The following MICAL2 variants were observed in gnomAD, a reference collection of about 807,000 sequenced individuals.
MICAL2 encodes [F-actin]-monooxygenase MICAL2.
In MICAL2, 77 loss-of-function variants were observed where a neutral mutation model predicts 127.3. That is an observed-to-expected ratio of 0.60 (90% CI 0.50 to 0.73). The LOEUF (loss-of-function observed/expected upper bound fraction) is 0.73, where lower values mean the gene tolerates loss of function less well. Ranked by LOEUF, MICAL2 falls within the 30% of genes least tolerant of loss-of-function variation. The pLI is 0.00. For synonymous variants in MICAL2, 570 were observed against 551.1 expected (o/e 1.03, Z -0.48); for missense variants, 1,351 against 1,434.4 (o/e 0.94, Z 0.94).
chr11:12,271,030 C>T lies in MICAL2; in HGVS notation c.3335-4956C>T, dbSNP rs114681297. Among the ~76,000 whole-genome samples, 973 of 152,296 alleles carry T rather than the reference C, an allele frequency of 6.4e-3. 13 individuals are homozygous for T. Among genetic ancestry groups the T allele is most frequent in the African/African-American group, 0.02 (842 of 41,562 alleles). On this transcript the variant is annotated intron_variant, in intron 24 of 34. Coordinates refer to the MICAL2 transcript ENST00000646065. Reference sequence around the variant, plus strand: ...GTTGGGAGCCATGTGTGAGGACAGACGTTTCCCCAGACCCTGCCTGGCTCT... The same window carrying T: ...GTTGGGAGCCATGTGTGAGGACAGATGTTTCCCCAGACCCTGCCTGGCTCT...
downstream of MICAL2, among the ~76,000 whole-genome samples, chr11:12,264,396 G>C (rs1233123945): frequency 6.6e-6 from 1 of 152,166 alleles, no homozygotes; most frequent in Non-Finnish European, 1.5e-5. Context: ...CCCTGCCCTA[G>C]CACCACCCGA....
intron 1 of MICAL2, among the ~76,000 whole-genome samples, chr11:12,129,530 C>G (rs1457798008): frequency 1.3e-5 from 2 of 151,942 alleles, no homozygotes; most frequent in African/African-American, 2.4e-5. Context: ...TCCCCTAAAG[C>G]CATTCATCAT....
Position 12,239,585 on chromosome 11 carries a change from G to C in MICAL2, c.2214G>C (p.Gln738His), listed in dbSNP as rs1859581354. The change falls in exon 17 of 28, where the codon CAG becomes CAC. Residue 738 changes from glutamine to histidine, a missense_variant and splice_region_variant. By Grantham distance (24) the Gln-to-His change is conservative. Coordinates refer to ENST00000683283, the MANE Select transcript of MICAL2 (RefSeq NM_001282663.2). The part of the protein sequence containing the change: ...ESTRNPSLMK[Q>H]ERRVSGIGKP... ...CTCGGAACCCCTCACTCATGAAGCA[G>C]GTGAGTCATGTCAAATACTCACTGG... 1 of 1,613,726 alleles carries C rather than the reference G, an allele frequency of 6.2e-7. No individual in the cohort carries two copies. Among genetic ancestry groups the C allele is most frequent in the Non-Finnish European group, 8.5e-7 (1 of 1,179,866 alleles).
At chr11:12,222,430 G>C (rs949813484) in intron 10 of MICAL2, among the ~76,000 whole-genome samples, 187 bp from the exon 11 acceptor site, 1 of 152,128 alleles carries the variant, frequency 6.6e-6, no homozygotes, top group Non-Finnish European at 1.5e-5. Context: ...CTTTCCTCTC[G>C]GCCCCTTTGA....
At chr11:12,123,989 G>T (rs1478238136) in intron 1 of MICAL2, among the ~76,000 whole-genome samples, 1 of 152,158 alleles carries the variant, frequency 6.6e-6, no homozygotes, top group Non-Finnish European at 1.5e-5. Context: ...TATGAGCTTT[G>T]CTGGCAGCAG....
intron 29 of MICAL2, among the ~76,000 whole-genome samples, chr11:12,311,094 C>T (rs1864168576): frequency 6.6e-6 from 1 of 152,066 alleles, no homozygotes; most frequent in South Asian, 2.1e-4. Flanking sequence ...TGGAGTCTTT[C>T]AGTTTTTCTG....
At chr11:12,223,971 C>A (rs996437226) in intron 12 of MICAL2, among the ~76,000 whole-genome samples, 1 of 152,090 alleles carries the variant, frequency 6.6e-6, no homozygotes, top group African/African-American at 2.4e-5. Context: ...GCTCAGGATG[C>A]TCTCCTGCTT....
chr11:12,214,164 G>A (rs1241053973), intron 7 of MICAL2, among the ~76,000 whole-genome samples: 1 of 152,154 alleles, frequency 6.6e-6, no homozygotes, highest in East Asian at 1.9e-4. Flanking sequence ...AAAACAGGGT[G>A]AGGGGAAAGG....
intron 30 of MICAL2, among the ~76,000 whole-genome samples, chr11:12,322,773 A>G (rs945152002): frequency 6.6e-6 from 1 of 152,178 alleles, no homozygotes; most frequent in African/African-American, 2.4e-5. Context: ...ATTTTAGTAA[A>G]ATGTGATAAT....
At chr11:12,238,844 A>G (rs1859473189) in intron 16 of MICAL2, among the ~76,000 whole-genome samples, 1 of 152,198 alleles carries the variant, frequency 6.6e-6, no homozygotes, top group South Asian at 2.1e-4. Flanking sequence ...ACTTTTGTGT[A>G]AATCTAAAAT....
At chr11:12,242,905 G>A (rs1288956411) in intron 20 of MICAL2, 133 bp downstream of exon 20, 4 of 590,582 alleles carry the variant, frequency 6.8e-6, no homozygotes, top group Admixed American at 4.0e-5. Context: ...TATTTTTCAA[G>A]CCACCAAATA....
intron 3 of MICAL2, among the ~76,000 whole-genome samples, chr11:12,200,340 C>T (rs1046911045): frequency 2.0e-5 from 3 of 152,318 alleles, no homozygotes; most frequent in Admixed American, 2.0e-4. Flanking sequence ...GAAAGAGCTC[C>T]TTCGGGTCGA....
At chr11:12,303,145 G>C (rs1279114046) in intron 29 of MICAL2, among the ~76,000 whole-genome samples, 1 of 152,150 alleles carries the variant, frequency 6.6e-6, no homozygotes, top group Non-Finnish European at 1.5e-5. Context: ...ACCTCCACCA[G>C]GTCCCACCCT....
At chr11:12,144,187 T>C (rs939197444) in intron 2 of MICAL2, among the ~76,000 whole-genome samples, 1 of 152,216 alleles carries the variant, frequency 6.6e-6, no homozygotes, top group African/African-American at 2.4e-5. Context: ...GTTTTGTATC[T>C]TTATGAGAAA....
chr11:12,273,905 AGTG>A (rs1863697642), upstream of MICAL2, among the ~76,000 whole-genome samples: 1 of 152,036 alleles, frequency 6.6e-6, no homozygotes, highest in South Asian at 2.1e-4. Context: ...GTAGTTTGGG[AGTG>A]GTGGAGGCAC....
chr11:12,131,850 G>A (rs545817762), intron 1 of MICAL2, among the ~76,000 whole-genome samples: 1 of 152,324 alleles, frequency 6.6e-6, no homozygotes, highest in Admixed American at 6.5e-5. Context: ...TACTCAGAGG[G>A]AAGTTGTAAG....
chr11:12,293,477 G>C (rs1035315677), downstream of MICAL2: 1 of 1,467,354 alleles, frequency 6.8e-7, no homozygotes, highest in East Asian at 2.3e-5. Context: ...ACAGGGAGGG[G>C]GTTGTAGATT....
rs190587459 is a variant in MICAL2, at chr11:12,188,491, G to A, written c.265-15759G>A. Among the ~76,000 whole-genome samples the A allele has an allele frequency of 5.9e-3, 904 of 152,250 alleles. 11 individuals carry two copies. Among genetic ancestry groups the A allele is most frequent in the African/African-American group, 0.021 (882 of 41,540 alleles). ...CACCTAGTTGGAAGAGGCCGGGGAA[G>A]CTGCTGAACATCCTACAATGCACAG... is the stretch of plus-strand genomic sequence containing the variant. On this transcript the variant is annotated intron_variant, in intron 3 of 27. Transcript: ENST00000683283.
At chr11:12,242,517 C>T in intron 19 of MICAL2, 85 bp downstream of exon 19, 1 of 1,470,060 alleles carries the variant, frequency 6.8e-7, no homozygotes, top group Non-Finnish European at 9.4e-7. Context: ...GGGTGGGTTC[C>T]TCCTCCCTCT....
Sources: allele counts gnomAD v4.1 joint callset (sites outside exome capture counted in the v4.1 genomes callset), GRCh38; gene constraint gnomAD v4.1.1; transcripts MANE v1.5; gene names NCBI Gene and HGNC (gene_info 2026-07-23, HGNC 2026-07-21).